Variants in SMIM38 observed in about 807,000 individuals in gnomAD.
SMIM38 encodes small integral membrane protein 38.
rs554896797 is a variant in SMIM38, at chr11:69,161,445, T to C, written c.*3349T>C. 5 of 152,396 alleles carry C rather than the reference T, an allele frequency of 3.3e-5. No individual in the cohort carries two copies. Among genetic ancestry groups the C allele is most frequent in the African/African-American group, 1.2e-4 (5 of 41,600 alleles). The allele number at this position is 152,396 out of a possible 1,614,324, so 9.4% of individuals were successfully genotyped here. A position where few individuals can be genotyped will look rare whatever the true frequency, so the allele number is the denominator to read the frequency against. On this transcript the variant is annotated 3_prime_UTR_variant, in exon 3 of 3. Transcript: ENST00000686237. ...GCACCTTTGTGGTACCCTTATGTGC[T>C]GGTTTTGCTGTTGTCTGCCCTTCAG...
intron 1 of SMIM38, among the ~76,000 whole-genome samples, chr11:69,156,591 C>CGTGTGTGTGT (rs10651002): frequency 2.2e-3 from 339 of 150,812 alleles, no homozygotes; most frequent in African/African-American, 7.9e-3. Flanking sequence ...CATGTGTATG[C>CGTGTGTGTGT]GTGTGTGTGT....
Position 69,157,909 on chromosome 11 carries a change from C to A in SMIM38, c.63C>A (p.Ile21=), listed in dbSNP as rs756649241. Residue 21 remains isoleucine (I), a synonymous_variant, in exon 2 of 3, where the codon ATC becomes ATA. Coordinates refer to ENST00000686237, the MANE Select transcript of SMIM38 (RefSeq NM_001369201.2). The part of the protein sequence containing the change: ...PDPLLALLVV[I]LLARLILWSC... ...CGCTCCTGGCCCTGCTGGTGGTGAT[C>A]CTGCTAGCACGCCTCATCCTGTGGT... 2 of 399,144 alleles carry A rather than the reference C, an allele frequency of 5.0e-6. No homozygotes were observed. The highest frequency in any genetic ancestry group is 8.8e-5 in the Admixed American group (2 of 22,724). The allele number at this position is 399,144 out of a possible 1,614,324, so 24.7% of individuals were successfully genotyped here. A position where few individuals can be genotyped will look rare whatever the true frequency, so the allele number is the denominator to read the frequency against.
chr11:69,157,582 G>A lies in SMIM38; in HGVS notation c.-265G>A. On this transcript the variant is annotated 5_prime_UTR_variant, in exon 2 of 3. Coordinates refer to ENST00000686237, the MANE Select transcript of SMIM38 (RefSeq NM_001369201.2). ...CACGGGCCTCTTGACCAAGGAGGCT[G>A]CTCGTCGTCCCCAGTCTGTCCTCTC... 1 of 362,492 alleles carries A rather than the reference G, an allele frequency of 2.8e-6. No individual in the cohort carries two copies. Among genetic ancestry groups the A allele is most frequent in the East Asian group, 4.0e-5 (1 of 24,820 alleles). 22.5% of individuals were successfully genotyped at this position (362,492 alleles called of 1,614,324 possible). A position where few individuals can be genotyped will look rare whatever the true frequency, so the allele number is the denominator to read the frequency against.
intron 1 of SMIM38, among the ~76,000 whole-genome samples, 199 bp downstream of exon 1, chr11:69,156,313 T>C (rs536433815): frequency 6.6e-6 from 1 of 152,310 alleles, no homozygotes; most frequent in South Asian, 2.1e-4. Context: ...AGGCTGGACA[T>C]TTGCTGGTGA....
chr11:69,156,975 G>C (rs965523200), intron 1 of SMIM38, among the ~76,000 whole-genome samples, 199 bp from the exon 2 acceptor site: 1 of 152,198 alleles, frequency 6.6e-6, no homozygotes, highest in African/African-American at 2.4e-5. Flanking sequence ...AGGTTGGAGG[G>C]GCGAGCTGGA....
In SMIM38 at chr11:69,160,105, A is replaced by G. The variant is rs1207866798; in HGVS notation, c.*2009A>G. The G allele has an allele frequency of 6.6e-6, 1 of 151,854 alleles. No homozygotes were observed. The highest frequency in any genetic ancestry group is 2.4e-5 in the African/African-American group (1 of 41,306). The allele number at this position is 151,854 out of a possible 1,614,324, so 9.4% of individuals were successfully genotyped here. ...ACCTGTGTGTGGCCTGCGTGTCCAC[A>G]TGGGTGTGTAGGATGGCACCTACAC... On this transcript the variant is annotated 3_prime_UTR_variant, in exon 3 of 3. Coordinates refer to ENST00000686237, the MANE Select transcript of SMIM38 (RefSeq NM_001369201.2).
intron 1 of SMIM38, 146 bp downstream of exon 1, chr11:69,156,260 T>C (rs1856985506): frequency 6.6e-6 from 1 of 152,366 alleles, no homozygotes; most frequent in South Asian, 2.1e-4. Flanking sequence ...GGGCCCCAGA[T>C]CCCTGTGGCC....
In SMIM38 at chr11:69,158,257, C is replaced by T; in HGVS notation, c.*255C>T. ...CACCAGGTTCTGGGGTCCCCGGTTG[C>T]AGGGAGTGGTCCTGGGGGTGGGTCT... is the stretch of plus-strand genomic sequence containing the variant. On this transcript the variant is annotated 3_prime_UTR_variant, in exon 2 of 3. Transcript: ENST00000686237. 1 of 351,074 alleles carries T rather than the reference C, an allele frequency of 2.8e-6. No individual in the cohort carries two copies. The highest frequency in any genetic ancestry group is 5.1e-6 in the Non-Finnish European group (1 of 196,222). 21.7% of individuals were successfully genotyped at this position (351,074 alleles called of 1,614,324 possible).
intron 1 of SMIM38, among the ~76,000 whole-genome samples, chr11:69,156,849 CT>C (rs1856992710): frequency 6.6e-6 from 1 of 152,188 alleles, no homozygotes; most frequent in Non-Finnish European, 1.5e-5. Flanking sequence ...GGTCACTCAG[CT>C]AGTAGAAGGC....
Position 69,159,008 on chromosome 11 carries a change from AGG to A in SMIM38, c.*1008_*1009del, listed in dbSNP as rs1590780854. 1.3e-5 allele frequency: 2 copies of A among 152,264 alleles called. No individual in the cohort carries two copies. The highest frequency in any genetic ancestry group is 3.8e-4 in the East Asian group (2 of 5,196). The allele number at this position is 152,264 out of a possible 1,614,324, so 9.4% of individuals were successfully genotyped here. A position where few individuals can be genotyped will look rare whatever the true frequency, so the allele number is the denominator to read the frequency against. ...ACTGCATGCGGAACTGTGAGATGGA[AGG>A]GACTGTGGGCGGCAGCTCCAGGGAG... On this transcript the variant is annotated 3_prime_UTR_variant, in exon 2 of 3. Transcript: ENST00000686237.
In SMIM38 at chr11:69,159,571, A is replaced by G. The variant is rs1489186088; in HGVS notation, c.*1475A>G. ...GAGGTGTCCAGGGGGTGACGTGAAG[A>G]TGACCTATTGCAGAGGGTCCCTTCT... On this transcript the variant is annotated 3_prime_UTR_variant, in exon 3 of 3. Coordinates refer to ENST00000686237, the MANE Select transcript of SMIM38 (RefSeq NM_001369201.2). The G allele has an allele frequency of 6.7e-6, 1 of 149,436 alleles. No homozygotes were observed. The highest frequency in any genetic ancestry group is 1.5e-5 in the Non-Finnish European group (1 of 68,046). 9.3% of individuals were successfully genotyped at this position (149,436 alleles called of 1,614,324 possible).
intron 1 of SMIM38, among the ~76,000 whole-genome samples, chr11:69,156,581 CAT>C (rs1207221379): frequency 1.8e-5 from 2 of 110,154 alleles, no homozygotes; most frequent in Non-Finnish European, 3.8e-5. Flanking sequence ...CACATGTATA[CAT>C]GTGTATGCGT....
Position 69,158,835 on chromosome 11 carries a change from G to A in SMIM38, c.*833G>A, listed in dbSNP as rs995038584. ...ACCTCCGTAGCACGTTAGCCGTGAT[G>A]CCAGTGACTTAACCCACAGCTTGGG... On this transcript the variant is annotated 3_prime_UTR_variant, in exon 2 of 3. Coordinates refer to ENST00000686237, the MANE Select transcript of SMIM38 (RefSeq NM_001369201.2). 2 of 152,270 alleles carry A rather than the reference G, an allele frequency of 1.3e-5. No homozygotes were observed. Among genetic ancestry groups the A allele is most frequent in the Non-Finnish European group, 2.9e-5 (2 of 68,054 alleles). 9.4% of individuals were successfully genotyped at this position (152,270 alleles called of 1,614,324 possible).
In SMIM38 at chr11:69,161,068, T is replaced by C. The variant is rs922370070; in HGVS notation, c.*2972T>C. The C allele has an allele frequency of 6.6e-6, 1 of 152,194 alleles. No individual in the cohort carries two copies. Among genetic ancestry groups the C allele is most frequent in the African/African-American group, 2.4e-5 (1 of 41,444 alleles). The allele number at this position is 152,194 out of a possible 1,614,324, so 9.4% of individuals were successfully genotyped here. A position where few individuals can be genotyped will look rare whatever the true frequency, so the allele number is the denominator to read the frequency against. On this transcript the variant is annotated 3_prime_UTR_variant, in exon 3 of 3. Coordinates refer to ENST00000686237, the MANE Select transcript of SMIM38 (RefSeq NM_001369201.2). ...TGCTCTGCTACCCTCAGCATGTAGATTTGATCTTCACGGCTACAAGAAACC... is the reference window on the plus strand; with the variant it reads ...TGCTCTGCTACCCTCAGCATGTAGACTTGATCTTCACGGCTACAAGAAACC...
Position 69,161,084 on chromosome 11 carries a change from A to T in SMIM38, c.*2988A>T, listed in dbSNP as rs1857049903. On this transcript the variant is annotated 3_prime_UTR_variant, in exon 3 of 3. Transcript: ENST00000686237. ...GCATGTAGATTTGATCTTCACGGCTACAAGAAACCTGCTGCTACTGCAGGC... is the reference window on the plus strand; with the variant it reads ...GCATGTAGATTTGATCTTCACGGCTTCAAGAAACCTGCTGCTACTGCAGGC... The T allele has an allele frequency of 6.6e-6, 1 of 152,246 alleles. No individual in the cohort carries two copies. Among genetic ancestry groups the T allele is most frequent in the South Asian group, 2.1e-4 (1 of 4,832 alleles). 9.4% of individuals were successfully genotyped at this position (152,246 alleles called of 1,614,324 possible).
chr11:69,157,970 C>T lies in SMIM38; in HGVS notation c.124C>T (p.Gln42Ter). ...GACCTACATCGACTACAGACTGGCC[C>T]AGCGGCGGCCCCAGAAACCCAAGCA... ...LGTYIDYRLA[Q>*]RRPQKPKQD The change falls in exon 2 of 3, where the codon CAG becomes TAG. Residue 42 changes from glutamine (Q) to a stop codon, truncating the protein, a stop_gained. Transcript: ENST00000686237. LOFTEE classifies it high-confidence loss of function. 2.5e-6 allele frequency: 1 copy of T among 398,924 alleles called. No individual in the cohort carries two copies. The highest frequency in any genetic ancestry group is 4.4e-6 in the Non-Finnish European group (1 of 226,308). The allele number at this position is 398,924 out of a possible 1,614,324, so 24.7% of individuals were successfully genotyped here.
Position 69,156,508 on chromosome 11 carries a change from G to A in SMIM38, c.-674+394G>A, listed in dbSNP as rs76088757. On this transcript the variant is annotated intron_variant, in intron 1 of 2. Coordinates refer to ENST00000686237, the MANE Select transcript of SMIM38 (RefSeq NM_001369201.2). Reference sequence around the variant, plus strand: ...GAGAGGCCAGAGCTGGACTTGGGGGGCAGAGCCTGTAGAGGTCAATGTGTC... The same window carrying A: ...GAGAGGCCAGAGCTGGACTTGGGGGACAGAGCCTGTAGAGGTCAATGTGTC... Among the ~76,000 whole-genome samples the A allele has an allele frequency of 2.9e-4, 44 of 152,306 alleles. 1 individual carries two copies. The East Asian group carries it at 7.2e-3, about 25-fold the overall frequency.
rs1857050839 is a variant in SMIM38 at position 69,161,171 on chromosome 11, C to A, written c.*3075C>A. 1 of 152,222 alleles carries A rather than the reference C, an allele frequency of 6.6e-6. No individual in the cohort carries two copies. The highest frequency in any genetic ancestry group is 2.1e-4 in the South Asian group (1 of 4,828). The allele number at this position is 152,222 out of a possible 1,614,324, so 9.4% of individuals were successfully genotyped here. Reference sequence around the variant, plus strand: ...GGGTGACAGAGACAGAAAGCAATGTCCCCAGATACCCTTAGTTTTCCATCT... The same window carrying A: ...GGGTGACAGAGACAGAAAGCAATGTACCCAGATACCCTTAGTTTTCCATCT... On this transcript the variant is annotated 3_prime_UTR_variant, in exon 3 of 3. Coordinates refer to ENST00000686237, the MANE Select transcript of SMIM38 (RefSeq NM_001369201.2).
At position 69,157,652 on chromosome 11, in the gene SMIM38, G is replaced by A; in HGVS notation, c.-195G>A. On this transcript the variant is annotated 5_prime_UTR_variant, in exon 2 of 3. It introduces an in-frame stop codon into an upstream open reading frame of the 5' UTR. Transcript: ENST00000686237. ...GGCTGGAGTCTGGCGGGCAGATCTG[G>A]CCTGCTTGGTGGCACCAGAGAGAAC... 2.5e-6 allele frequency: 1 copy of A among 395,080 alleles called. No homozygotes were observed. Among genetic ancestry groups the A allele is most frequent in the South Asian group, 1.4e-4 (1 of 6,992 alleles). 24.5% of individuals were successfully genotyped at this position (395,080 alleles called of 1,614,324 possible). A position where few individuals can be genotyped will look rare whatever the true frequency, so the allele number is the denominator to read the frequency against.
Sources: allele counts gnomAD v4.1 joint callset (sites outside exome capture counted in the v4.1 genomes callset), GRCh38; gene constraint gnomAD v4.1.1; transcripts MANE v1.5; gene names NCBI Gene and HGNC (gene_info 2026-07-23, HGNC 2026-07-21).